ERI1: variants seen among roughly 807,000 people sequenced by gnomAD.
The protein encoded by ERI1 is exoribonuclease 1.
A neutral mutation model predicts 39.7 loss-of-function variants in ERI1; 39 were observed. The observed-to-expected ratio is 0.98, with a 90% CI of 0.76 to 1.28. ERI1 has a LOEUF of 1.28. Among genes scored for constraint, ERI1 ranks in the 50% most tolerant of loss-of-function variants. The pLI is 0.00. For missense variants in ERI1, 581 were observed against 416.9 expected, an observed-to-expected ratio of 1.39 and a Z score of -3.43; for synonymous variants, 204 against 149.6, an observed-to-expected ratio of 1.36 and a Z score of -2.65.
At chr8:9,056,114 G>C (rs1798498870) in intron 3 of ERI1, among the ~76,000 whole-genome samples, 1 of 152,224 alleles carries the variant, frequency 6.6e-6, no homozygotes, top group African/African-American at 2.4e-5. Flanking sequence ...TGTGCTATGG[G>C]TTCCTGGAGC....
At chr8:9,095,728 C>T (rs1260888431) in intron 3 of ERI1, among the ~76,000 whole-genome samples, 1 of 151,994 alleles carries the variant, frequency 6.6e-6, no homozygotes, top group East Asian at 1.9e-4. Context: ...ACCATGTTGC[C>T]CACGCTGGCC....
intron 3 of ERI1, among the ~76,000 whole-genome samples, chr8:9,056,347 G>C (rs1263973878): frequency 6.6e-6 from 1 of 152,164 alleles, no homozygotes; most frequent in African/African-American, 2.4e-5. Flanking sequence ...TTGGGGTAAG[G>C]GGTTATACAG....
intron 1 of ERI1, among the ~76,000 whole-genome samples, chr8:9,003,665 C>A (rs1025729529): frequency 1.3e-5 from 2 of 152,172 alleles, no homozygotes; most frequent in African/African-American, 4.8e-5. Flanking sequence ...TAACTGGTGT[C>A]TCATATAACC....
intron 3 of ERI1, among the ~76,000 whole-genome samples, chr8:9,093,504 TAAAAAAAAA>T (rs1040785856): frequency 8.0e-6 from 1 of 124,866 alleles, no homozygotes; most frequent in Non-Finnish European, 1.7e-5. Context: ...ACCTTGTCTC[TAAAAAAAAA>T]AAAAAAAAAG....
intron 3 of ERI1, among the ~76,000 whole-genome samples, chr8:9,045,193 G>T (rs1037892060): frequency 1.4e-5 from 2 of 139,386 alleles, no homozygotes; most frequent in African/African-American, 5.5e-5. Context: ...CAGAGATCGC[G>T]CCACTGCACT....
At chr8:9,023,769 C>T (rs925640934) in intron 6 of ERI1, among the ~76,000 whole-genome samples, 3 of 129,244 alleles carry the variant, frequency 2.3e-5, no homozygotes, top group Non-Finnish European at 5.1e-5. Flanking sequence ...TGTCTAAAAA[C>T]ATTTTTTTTT....
intron 3 of ERI1, among the ~76,000 whole-genome samples, chr8:9,015,722 CAAA>C (rs758835506): frequency 2.8e-4 from 16 of 56,584 alleles, no homozygotes; most frequent in African/African-American, 9.8e-4. Context: ...ACTCTGTCTC[CAAA>C]AAAAAAAAAA....
At chr8:9,012,201 C>G (rs1448493859) in intron 3 of ERI1, among the ~76,000 whole-genome samples, 1 of 152,164 alleles carries the variant, frequency 6.6e-6, no homozygotes, top group African/African-American at 2.4e-5. Flanking sequence ...ACTCTGATCT[C>G]TAAGAATGAT....
chr8:9,012,404 T>A (rs1218796320), intron 3 of ERI1, among the ~76,000 whole-genome samples: 4 of 152,246 alleles, frequency 2.6e-5, no homozygotes, highest in African/African-American at 9.6e-5. Flanking sequence ...AGCAAGAATA[T>A]CCTAACATCT....
rs1477084026 is a variant in ERI1 at position 9,031,456 on chromosome 8, A to T, written c.*1422A>T. The T allele has an allele frequency of 6.6e-6, 1 of 151,968 alleles. No individual in the cohort carries two copies. Among genetic ancestry groups the T allele is most frequent in the African/African-American group, 2.4e-5 (1 of 41,534 alleles). The allele number at this position is 151,968 out of a possible 1,614,324, so 9.4% of individuals were successfully genotyped here. The stretch of plus-strand genomic sequence containing the variant: ...TAGATGAACTGTTACAGATTATAGT[A>T]AAATAAGGAAATCTAAGTGCTTTAA... On this transcript the variant is annotated 3_prime_UTR_variant, in exon 7 of 7. Coordinates refer to ENST00000250263, the MANE Select transcript of ERI1 (RefSeq NM_153332.4).
At chr8:9,066,283 TTGTTTCTTC>T (rs1210369610) in intron 3 of ERI1, among the ~76,000 whole-genome samples, 1 of 152,184 alleles carries the variant, frequency 6.6e-6, no homozygotes, top group East Asian at 1.9e-4. Flanking sequence ...CCTGCACAAC[TTGTTTCTTC>T]TCCTTTAAGT....
At chr8:9,013,322 C>T (rs780072782) in intron 3 of ERI1, among the ~76,000 whole-genome samples, 1 of 82,814 alleles carries the variant, frequency 1.2e-5, no homozygotes, top group African/African-American at 3.3e-5. Context: ...GCCATTCTCA[C>T]TTAAAAAAAA....
intron 3 of ERI1, among the ~76,000 whole-genome samples, chr8:9,051,053 C>G (rs1033140390): frequency 2.0e-5 from 3 of 151,728 alleles, no homozygotes; most frequent in African/African-American, 7.3e-5. Context: ...AAAGAATTAG[C>G]TGAAAGTAAC....
Position 9,065,090 on chromosome 8 carries a change from C to G in ERI1, n.299+44626C>G, listed in dbSNP as rs1280771889. Among the ~76,000 whole-genome samples the G allele has an allele frequency of 5.9e-5, 9 of 152,202 alleles. No homozygotes were observed. In the South Asian group the frequency reaches 1.0e-3, roughly 18 times the overall value. On this transcript the variant is annotated intron_variant and non_coding_transcript_variant, in intron 3 of 3. Coordinates refer to the ERI1 transcript ENST00000518663. The stretch of plus-strand genomic sequence containing the variant: ...AGGCAGGAACAGGCCATTTTCACTT[C>G]TTTTGTGGTGGAATGTCATTAGTTA...
chr8:9,047,495 C>G (rs942434592), intron 3 of ERI1, among the ~76,000 whole-genome samples: 1 of 151,448 alleles, frequency 6.6e-6, no homozygotes, highest in East Asian at 1.9e-4. Flanking sequence ...GGCAACATAG[C>G]AAGACCCCAT....
chr8:9,045,834 G>A (rs181269040), intron 3 of ERI1, among the ~76,000 whole-genome samples: 1 of 151,638 alleles, frequency 6.6e-6, no homozygotes, highest in Non-Finnish European at 1.5e-5. Context: ...GCATCACCAC[G>A]CCTGGCTAAT....
chr8:9,004,334 T>C (rs1051258723), intron 1 of ERI1: 2 of 1,092,798 alleles, frequency 1.8e-6, no homozygotes, highest in South Asian at 1.8e-5. Context: ...AGTTTATTTT[T>C]AGTAAAAGAA....
At chr8:9,018,562 A>C (rs565283194) in intron 5 of ERI1, among the ~76,000 whole-genome samples, 156 bp downstream of exon 5, 2 of 152,316 alleles carry the variant, frequency 1.3e-5, no homozygotes, top group East Asian at 3.9e-4. Flanking sequence ...TAAGGATGAA[A>C]GAGAGGAAGA....
At chr8:9,044,790 T>G (rs1798126798) in intron 3 of ERI1, among the ~76,000 whole-genome samples, 1 of 152,096 alleles carries the variant, frequency 6.6e-6, no homozygotes, top group Non-Finnish European at 1.5e-5. Context: ...GTTCTCCTTT[T>G]CCTCAATGTG....
Sources: allele counts gnomAD v4.1 joint callset (sites outside exome capture counted in the v4.1 genomes callset), GRCh38; gene constraint gnomAD v4.1.1; transcripts MANE v1.5; gene names NCBI Gene and HGNC (gene_info 2026-07-23, HGNC 2026-07-21).